Variants in GSN observed in about 807,000 individuals in gnomAD.
The protein encoded by GSN is gelsolin, also known as actin-depolymerizing factor.
GSN carries 56 observed loss-of-function variants against 85.7 expected under a neutral mutation model. The ratio of observed to expected loss-of-function variants is 0.65; its 90% CI spans 0.53 to 0.82. The LOEUF (loss-of-function observed/expected upper bound fraction) is 0.82. GSN is among the 40% of genes least tolerant of loss of function. The pLI is 0.00. For missense variants in GSN, 857 were observed against 979.8 expected, an observed-to-expected ratio of 0.87 and a Z score of 1.67; for synonymous variants, 373 against 399.1, an observed-to-expected ratio of 0.93 and a Z score of 0.78.
chr9:121,239,977 C>A, intron 5 of GSN: 1 of 160,290 alleles, frequency 6.2e-6, no homozygotes, highest in South Asian at 1.8e-4. Flanking sequence ...AGAGGTAGTT[C>A]CAACTAACTG....
intron 10 of GSN, among the ~76,000 whole-genome samples, chr9:121,319,983 T>A (rs993233389): frequency 1.3e-5 from 2 of 152,144 alleles, no homozygotes; most frequent in Non-Finnish European, 2.9e-5. Flanking sequence ...TAGCATTCAT[T>A]TGTTGCTTCA....
chr9:121,317,006 G>A (rs908279026), intron 7 of GSN, 80 bp from the exon 8 acceptor site: 1 of 1,584,344 alleles, frequency 6.3e-7, no homozygotes, highest in South Asian at 1.1e-5. Context: ...GGGACAGGGG[G>A]TGGGGCAAGA....
chr9:121,298,195 G>A (rs991357253), intron 2 of GSN, among the ~76,000 whole-genome samples: 6 of 151,990 alleles, frequency 3.9e-5, no homozygotes, highest in Non-Finnish European at 7.4e-5. Flanking sequence ...CTCTGCTCTT[G>A]CTCCCTGTGT....
In GSN at chr9:121,328,857, G is replaced by A. The variant is rs306771; in HGVS notation, c.1763-34G>A. 0.8 allele frequency: 1,284,275 copies of A among 1,604,986 alleles called. 516,014 individuals are homozygous for A. Among genetic ancestry groups the A allele is most frequent in the East Asian group, 0.99 (44,438 of 44,856 alleles). On this transcript the variant is annotated intron_variant, in intron 14 of 17. Coordinates refer to ENST00000432226, the MANE Select transcript of GSN (RefSeq NM_198252.3). ...TGAGATGGGAGAGAGGGGTGATGGCGTCCCTTGGCAACTGGCGTGGCCTCC... is the reference window on the plus strand; with the variant it reads ...TGAGATGGGAGAGAGGGGTGATGGCATCCCTTGGCAACTGGCGTGGCCTCC...
At chr9:121,237,902 G>C (rs180958869) in intron 5 of GSN, among the ~76,000 whole-genome samples, 1 of 152,338 alleles carries the variant, frequency 6.6e-6, no homozygotes, top group East Asian at 1.9e-4. Flanking sequence ...GCAAAGCACT[G>C]AAGACCCAGG....
intron 6 of GSN, among the ~76,000 whole-genome samples, chr9:121,260,836 C>T (rs941148880): frequency 3.9e-5 from 6 of 151,942 alleles, no homozygotes; most frequent in African/African-American, 1.5e-4. Flanking sequence ...GAAAAAGAAA[C>T]AGAAGTGCAA....
chr9:121,299,355 C>G lies in GSN; in HGVS notation c.-9-2608C>G. The G allele has an allele frequency of 1.1e-5, 11 of 979,766 alleles. No individual in the cohort carries two copies. The highest frequency in any genetic ancestry group is 1.3e-5 in the Non-Finnish European group (11 of 824,768). 60.7% of individuals were successfully genotyped at this position (979,766 alleles called of 1,614,324 possible). A position where few individuals can be genotyped will look rare whatever the true frequency, so the allele number is the denominator to read the frequency against. ...CCCACTACGGCCTGAGTTCAAATCC[C>G]GGCAGCACCATTTACAAGCTGTGTG... On this transcript the variant is annotated intron_variant, in intron 2 of 17. Transcript: ENST00000432226. This position sits in a 1 kb window ranked among gnomAD's most constrained non-coding sequence, Gnocchi z 4.2.
chr9:121,237,755 G>A (rs2054524610), intron 5 of GSN, among the ~76,000 whole-genome samples: 1 of 152,212 alleles, frequency 6.6e-6, no homozygotes. Context: ...CTCAGAGGCT[G>A]ATACTCTTGA....
intron 11 of GSN, among the ~76,000 whole-genome samples, chr9:121,323,218 T>A (rs1311797597): frequency 6.6e-6 from 1 of 152,156 alleles, no homozygotes; most frequent in Non-Finnish European, 1.5e-5. Flanking sequence ...TTCTCATATA[T>A]CCATTACCCA....
chr9:121,310,646 T>C (rs764797193), intron 4 of GSN, 38 bp from the exon 5 acceptor site: 8 of 1,608,118 alleles, frequency 5.0e-6, no homozygotes, highest in South Asian at 1.1e-5. Context: ...TCCCTGGGCC[T>C]TCTCCCCTGG....
chr9:121,314,432 CTTTA>C (rs757969136), intron 7 of GSN, among the ~76,000 whole-genome samples: 43 of 152,270 alleles, frequency 2.8e-4, no homozygotes, highest in Admixed American at 5.9e-4. Flanking sequence ...TAGTTAATGA[CTTTA>C]TTTATGATTT....
chr9:121,324,682 A>G, intron 12 of GSN, 38 bp downstream of exon 12: 1 of 999,920 alleles, frequency 1.0e-6, no homozygotes, highest in East Asian at 2.6e-5. Context: ...CTGCAGCCTG[A>G]GCCTTGTCCT....
chr9:121,210,681 T>G (rs1454880092), intron 3 of GSN: 1 of 152,254 alleles, frequency 6.6e-6, no homozygotes, highest in African/African-American at 2.4e-5. Context: ...GTTTGGCAAC[T>G]GTAAACTACC....
chr9:121,318,557 A>T lies in GSN; in HGVS notation c.975+63A>T. On this transcript the variant is annotated intron_variant, in intron 9 of 17. Transcript: ENST00000432226. The surrounding 1 kb of genome is among the most constrained non-coding windows in gnomAD (Gnocchi z 4.3). Reference sequence around the variant, plus strand: ...GTCCTGTTTGGAGGGGATGGGCTGGAGTAGGGCGGGTGTCCCACCCTCAGT... The same window carrying T: ...GTCCTGTTTGGAGGGGATGGGCTGGTGTAGGGCGGGTGTCCCACCCTCAGT... 6.7e-7 allele frequency: 1 copy of T among 1,489,502 alleles called. No homozygotes were observed. Among genetic ancestry groups the T allele is most frequent in the Non-Finnish European group, 9.4e-7 (1 of 1,066,300 alleles). The allele number at this position is 1,489,502 out of a possible 1,614,324, so 92.3% of individuals were successfully genotyped here.
intron 2 of GSN, chr9:121,282,556 A>G: frequency 1.6e-6 from 2 of 1,244,058 alleles, no homozygotes; most frequent in Non-Finnish European, 2.0e-6. Context: ...CTCAGGTGAA[A>G]GGGCTTTTTG....
At chr9:121,311,614 G>A (rs1004263302) in intron 5 of GSN, 11 of 152,576 alleles carry the variant, frequency 7.2e-5, no homozygotes, top group African/African-American at 2.4e-4. Flanking sequence ...TGCCCCTTTC[G>A]GTGCCCTCAC....
chr9:121,264,890 A>G (rs1224074979), upstream of GSN, among the ~76,000 whole-genome samples: 3 of 152,200 alleles, frequency 2.0e-5, no homozygotes, highest in Non-Finnish European at 2.9e-5. Flanking sequence ...TGGACTACAA[A>G]CAAAGATTCC....
Position 121,329,202 on chromosome 9 carries a change from A to G in GSN, c.1888-36A>G. On this transcript the variant is annotated intron_variant, in intron 15 of 17. Transcript: ENST00000432226. This position sits in a 1 kb window ranked among gnomAD's most constrained non-coding sequence, Gnocchi z 4.6. ...TAAAGGAAGGCCACCCAGGGGAGGGAAGACATCTCACTGATGCTCTTTCGT... is the reference window on the plus strand; with the variant it reads ...TAAAGGAAGGCCACCCAGGGGAGGGGAGACATCTCACTGATGCTCTTTCGT... 1.3e-6 allele frequency: 2 copies of G among 1,532,060 alleles called. No individual in the cohort carries two copies. The highest frequency in any genetic ancestry group is 1.8e-6 in the Non-Finnish European group (2 of 1,105,580). 94.9% of individuals were successfully genotyped at this position (1,532,060 alleles called of 1,614,324 possible). A position where few individuals can be genotyped will look rare whatever the true frequency, so the allele number is the denominator to read the frequency against.
At position 121,325,203 on chromosome 9, in the gene GSN, C is replaced by T. The variant is rs149606952; in HGVS notation, c.1416+559C>T. Among the ~76,000 whole-genome samples the T allele has an allele frequency of 4.7e-4, 71 of 152,300 alleles. No homozygotes were observed. In the Middle Eastern group the frequency reaches 0.01, roughly 22 times the overall value. On this transcript the variant is annotated intron_variant, in intron 12 of 17. Coordinates refer to ENST00000432226, the MANE Select transcript of GSN (RefSeq NM_198252.3). ...AATCATGCCTGCCATATAAGAAGTG[C>T]CCCCTTATACATATGTGTTAAGTAC...
Sources: gnomAD v4.1 joint callset for allele counts (sites outside exome capture counted in the v4.1 genomes callset) on GRCh38, gnomAD v4.1.1 for gene constraint, Gnocchi (gnomAD v3.1) non-coding constraint, MANE v1.5 for transcripts, NCBI Gene and HGNC (gene_info 2026-07-23, HGNC 2026-07-21) for gene names.